EXOC6B: variants seen among roughly 807,000 people sequenced by gnomAD.
The protein encoded by EXOC6B is exocyst complex component 6B, also known as SEC15 homolog B.
EXOC6B carries 54 observed loss-of-function variants against 113.5 expected under a neutral mutation model. That is an observed-to-expected ratio of 0.48 (90% confidence interval 0.38 to 0.60). The LOEUF (loss-of-function observed/expected upper bound fraction) is 0.60. Ranked by LOEUF, EXOC6B falls within the 20% of genes least tolerant of loss-of-function variation. The probability of loss-of-function intolerance (pLI) is 0.00; values close to 1 mark genes in which losing one functional copy is unlikely to be tolerated. For synonymous variants in EXOC6B, 357 were observed against 339.0 expected (o/e 1.05, Z -0.58); for missense variants, 797 against 977.5 (o/e 0.82, Z 2.46).
intron 6 of EXOC6B, among the ~76,000 whole-genome samples, chr2:72,672,484 T>C (rs981815100): frequency 2.7e-5 from 4 of 147,308 alleles, no homozygotes; most frequent in African/African-American, 1.0e-4. Flanking sequence ...GAGGCGGAGC[T>C]TGCAGTGAGT....
chr2:72,777,220 G>A (rs1473352430), intron 1 of EXOC6B, among the ~76,000 whole-genome samples: 1 of 152,072 alleles, frequency 6.6e-6, no homozygotes. Context: ...CTCCAGCCTG[G>A]GCAACAGAGC....
intron 20 of EXOC6B, among the ~76,000 whole-genome samples, chr2:72,326,886 A>G (rs1275928314): frequency 6.6e-6 from 1 of 152,056 alleles, no homozygotes; most frequent in African/African-American, 2.4e-5. Context: ...GTGCTGGGCA[A>G]GCCAGCGTTT....
intron 19 of EXOC6B, among the ~76,000 whole-genome samples, chr2:72,371,048 C>A (rs1212039932): frequency 2.7e-5 from 4 of 150,826 alleles, no homozygotes; most frequent in Middle Eastern, 3.4e-3. Context: ...AACTCCTCCT[C>A]CAAAAAAAAA....
chr2:72,789,956 A>G (rs1179854261), intron 1 of EXOC6B, among the ~76,000 whole-genome samples: 1 of 152,166 alleles, frequency 6.6e-6, no homozygotes, highest in Non-Finnish European at 1.5e-5. Context: ...ATAGAAAACA[A>G]AACTGCTCTG....
intron 2 of EXOC6B, among the ~76,000 whole-genome samples, chr2:72,737,818 C>T (rs1333212798): frequency 6.6e-6 from 1 of 152,068 alleles, no homozygotes; most frequent in Non-Finnish European, 1.5e-5. Context: ...CGCTGCTGCA[C>T]TCTAGCCTAG....
In EXOC6B at chr2:72,466,070, T is replaced by C. The variant is rs1171166319; in HGVS notation, c.1801-731A>G. Among the ~76,000 whole-genome samples, 10 of 151,890 alleles carry C rather than the reference T, an allele frequency of 6.6e-5. No homozygotes were observed. The East Asian group carries it at 1.9e-3, about 30-fold the overall frequency. ...ACAAACTTTGAAATAAGTGCCCAGG[T>C]GCAGTGGCTCATGCGTGTAATCCCA... On this transcript the variant is annotated intron_variant, in intron 17 of 21. Coordinates refer to ENST00000272427, the MANE Select transcript of EXOC6B (RefSeq NM_015189.3).
chr2:72,538,051 G>C (rs1319021919), intron 8 of EXOC6B, among the ~76,000 whole-genome samples: 1 of 150,676 alleles, frequency 6.6e-6, no homozygotes, highest in African/African-American at 2.4e-5. Flanking sequence ...TCAAACTCCT[G>C]GGCTCAAGCA....
chr2:72,500,176 C>A (rs1175487498), intron 11 of EXOC6B, among the ~76,000 whole-genome samples: 1 of 152,120 alleles, frequency 6.6e-6, no homozygotes, highest in Admixed American at 6.5e-5. Context: ...GTTCAATAAC[C>A]ATGATCTATA....
At chr2:72,395,413 T>A (rs760484135) in intron 18 of EXOC6B, among the ~76,000 whole-genome samples, 1 of 152,164 alleles carries the variant, frequency 6.6e-6, no homozygotes, top group Non-Finnish European at 1.5e-5. Context: ...TTAGCCCTAG[T>A]TTCTTTTTTG....
At chr2:72,777,699 C>T (rs1012848816) in intron 1 of EXOC6B, among the ~76,000 whole-genome samples, 13 of 152,060 alleles carry the variant, frequency 8.5e-5, no homozygotes, top group African/African-American at 3.1e-4. Context: ...ATTTTTCATT[C>T]GTACCTCCTC....
At position 72,598,988 on chromosome 2, in the gene EXOC6B, G is replaced by T. The variant is rs142083630; in HGVS notation, c.670-23320C>A. On this transcript the variant is annotated intron_variant, in intron 6 of 21. Coordinates refer to ENST00000272427, the MANE Select transcript of EXOC6B (RefSeq NM_015189.3). ...TCTACCATTTATGAAAGAAATTATTGAATTCTCTACAATCTCTTCCAAAAA... is the reference window on the plus strand; with the variant it reads ...TCTACCATTTATGAAAGAAATTATTTAATTCTCTACAATCTCTTCCAAAAA... 3.2e-4 allele frequency among the ~76,000 whole-genome samples: 48 copies of T among 152,142 alleles called. 1 individual carries two copies. In the East Asian group the frequency reaches 8.1e-3, roughly 26 times the overall value.
intron 1 of EXOC6B, among the ~76,000 whole-genome samples, chr2:72,741,852 G>A (rs1043288056): frequency 2.0e-5 from 3 of 152,198 alleles, no homozygotes; most frequent in Non-Finnish European, 4.4e-5. Context: ...ACACACAGCT[G>A]TGCTGGCTAG....
At chr2:72,601,187 TTTC>T (rs1670417455) in intron 6 of EXOC6B, among the ~76,000 whole-genome samples, 1 of 151,482 alleles carries the variant, frequency 6.6e-6, no homozygotes, top group Non-Finnish European at 1.5e-5. Flanking sequence ...TATATCTTTT[TTTC>T]TTTTTTTCCT....
At chr2:72,532,941 T>A (rs1702091238) in intron 8 of EXOC6B, among the ~76,000 whole-genome samples, 2 of 152,158 alleles carry the variant, frequency 1.3e-5, no homozygotes, top group Non-Finnish European at 2.9e-5. Context: ...ACTTCAGGCA[T>A]CAGAAGACAT....
At chr2:72,427,216 TG>T (rs1292943218) in intron 18 of EXOC6B, among the ~76,000 whole-genome samples, 1 of 152,184 alleles carries the variant, frequency 6.6e-6, no homozygotes, top group East Asian at 1.9e-4. Flanking sequence ...ACAGCATGGT[TG>T]GGCACAGAGG....
At chr2:72,444,210 C>T (rs1696420278) in intron 18 of EXOC6B, among the ~76,000 whole-genome samples, 2 of 152,180 alleles carry the variant, frequency 1.3e-5, no homozygotes, top group South Asian at 2.1e-4. Flanking sequence ...TCTTAAAGCT[C>T]GAAAATGATC....
rs150198835 is a variant in EXOC6B, at chr2:72,543,188, GAAAT to G, written c.915+16261_915+16264del. Among the ~76,000 whole-genome samples the G allele has an allele frequency of 9.0e-3, 1,377 of 152,236 alleles. 8 individuals carry two copies. Among genetic ancestry groups the G allele is most frequent in the Non-Finnish European group, 0.014 (927 of 68,016 alleles). On this transcript the variant is annotated intron_variant, in intron 8 of 21. Transcript: ENST00000272427. ...GTAAGCAGGAGGAAAAGAACAACCA[GAAAT>G]GAGGTGAGAGAGTTAGGCTAAGGAC... is the stretch of plus-strand genomic sequence containing the variant.
Position 72,657,221 on chromosome 2 carries a change from C to A in EXOC6B, c.669+60882G>T, listed in dbSNP as rs1049991755. Reference sequence around the variant, plus strand: ...TGACTACTTAACCATATTACCACAACTGTCTTTTTTTTTTTTTTTTTTGAG... The same window carrying A: ...TGACTACTTAACCATATTACCACAAATGTCTTTTTTTTTTTTTTTTTTGAG... On this transcript the variant is annotated intron_variant, in intron 6 of 21. Coordinates refer to ENST00000272427, the MANE Select transcript of EXOC6B (RefSeq NM_015189.3). Among the ~76,000 whole-genome samples the A allele has an allele frequency of 6.3e-5, 8 of 126,598 alleles. 1 individual carries two copies. The highest frequency in any genetic ancestry group is 9.8e-5 in the Non-Finnish European group (6 of 61,086). 83.1% of individuals were successfully genotyped at this position (126,598 alleles called of 152,430 possible).
chr2:72,783,180 G>C (rs1200236849), intron 1 of EXOC6B, among the ~76,000 whole-genome samples: 1 of 133,910 alleles, frequency 7.5e-6, no homozygotes, highest in Non-Finnish European at 1.5e-5. Flanking sequence ...ATATCTGTTT[G>C]TTGGGGTTTT....
Sources: allele counts gnomAD v4.1 joint callset (sites outside exome capture counted in the v4.1 genomes callset), GRCh38; gene constraint gnomAD v4.1.1; transcripts MANE v1.5; gene names NCBI Gene and HGNC (gene_info 2026-07-23, HGNC 2026-07-21).